Variants in DOCK2 observed in about 807,000 individuals in gnomAD.
DOCK2 encodes the protein dedicator of cytokinesis protein 2.
DOCK2 carries 87 observed loss-of-function variants against 248.9 expected under a neutral mutation model. That is an observed-to-expected ratio of 0.35 (90% CI 0.29 to 0.42). The LOEUF (loss-of-function observed/expected upper bound fraction) is 0.42, where lower values mean the gene tolerates loss of function less well. Ranked by LOEUF, DOCK2 falls within the 10% of genes least tolerant of loss-of-function variation. The pLI is 1.00. For missense variants in DOCK2, 1,747 were observed against 2,300.2 expected, an observed-to-expected ratio of 0.76 and a Z score of 4.92; for synonymous variants, 805 against 821.6, an observed-to-expected ratio of 0.98 and a Z score of 0.35.
At chr5:169,653,239 C>G (rs1757904009) in intron 1 of DOCK2, among the ~76,000 whole-genome samples, 1 of 152,122 alleles carries the variant, frequency 6.6e-6, no homozygotes, top group Admixed American at 6.5e-5. Flanking sequence ...TAAGCCACTT[C>G]CAGAAAAGTG....
chr5:170,070,618 G>A (rs1372562275), intron 46 of DOCK2, among the ~76,000 whole-genome samples: 2 of 152,146 alleles, frequency 1.3e-5, no homozygotes, highest in Non-Finnish European at 2.9e-5. Context: ...TGGGAAGCAG[G>A]AAGGCCAGGC....
intron 27 of DOCK2, among the ~76,000 whole-genome samples, chr5:169,971,255 C>A (rs61447875): frequency 0.012 from 1,844 of 151,942 alleles, 43 homozygotes; most frequent in African/African-American, 0.042. Context: ...AGTATCATTC[C>A]CAGAGCAGGA....
Position 169,654,465 on chromosome 5 carries a change from C to G in DOCK2, c.106C>G (p.Arg36Gly). The change falls in exon 2 of 52, where the codon CGA becomes GGA. Residue 36 changes from arginine (R) to glycine (G), a missense_variant. Transcript: ENST00000520908. ...CTCCCTGCAGATCGGCGATGTGGTGCGAATACAGGAGACGTGTGGAGGTGA... is the reference window on the plus strand; with the variant it reads ...CTCCCTGCAGATCGGCGATGTGGTGGGAATACAGGAGACGTGTGGAGGTGA... ...QLSLQIGDVV[R>G]IQETCGDWYR... 6.2e-7 allele frequency: 1 copy of G among 1,614,130 alleles called. No individual in the cohort carries two copies. Among genetic ancestry groups the G allele is most frequent in the Admixed American group, 1.7e-5 (1 of 60,018 alleles).
At chr5:169,872,118 C>T (rs1224345662) in intron 27 of DOCK2, among the ~76,000 whole-genome samples, 1 of 152,182 alleles carries the variant, frequency 6.6e-6, no homozygotes, top group African/African-American at 2.4e-5. Flanking sequence ...GAAGACAAAC[C>T]ATCTTCCAAA....
chr5:169,983,254 A>G (rs2113785701), intron 28 of DOCK2, 88 bp downstream of exon 28: 3 of 1,354,384 alleles, frequency 2.2e-6, no homozygotes, highest in Middle Eastern at 1.8e-4. Context: ...CTGCCTGTCT[A>G]TCACATAATC....
chr5:169,858,967 T>C (rs1005941559), intron 27 of DOCK2, among the ~76,000 whole-genome samples: 1 of 152,204 alleles, frequency 6.6e-6, no homozygotes, highest in Non-Finnish European at 1.5e-5. Flanking sequence ...TGAGCTATGA[T>C]AGTGCCACTG....
chr5:169,930,182 G>C (rs113765679), intron 27 of DOCK2, among the ~76,000 whole-genome samples: 1 of 152,034 alleles, frequency 6.6e-6, no homozygotes, highest in Admixed American at 6.5e-5. Context: ...GTAGAGATGG[G>C]GGTTTCACCA....
intron 30 of DOCK2, among the ~76,000 whole-genome samples, chr5:170,005,312 C>T (rs1302083324): frequency 1.3e-5 from 2 of 152,168 alleles, no homozygotes; most frequent in Non-Finnish European, 2.9e-5. Context: ...GACAATATAG[C>T]AATTGATAAA....
intron 27 of DOCK2, among the ~76,000 whole-genome samples, chr5:169,856,099 C>T (rs995220840): frequency 2.0e-5 from 3 of 152,076 alleles, no homozygotes; most frequent in Admixed American, 2.0e-4. Context: ...GAAAACTGGC[C>T]CCATGATCCA....
chr5:169,923,650 A>G (rs1775294062), intron 27 of DOCK2, among the ~76,000 whole-genome samples: 1 of 152,252 alleles, frequency 6.6e-6, no homozygotes, highest in Non-Finnish European at 1.5e-5. Context: ...AAGAAGGATA[A>G]TATTGCTTCA....
At chr5:169,968,548 CAGCATGGT>C (rs1777383625) in intron 27 of DOCK2, among the ~76,000 whole-genome samples, 1 of 152,180 alleles carries the variant, frequency 6.6e-6, no homozygotes, top group Non-Finnish European at 1.5e-5. Flanking sequence ...TCTTCGACTT[CAGCATGGT>C]AAATATCCCT....
chr5:169,718,733 C>G lies in DOCK2; in HGVS notation c.2209C>G (p.Leu737Val). 2 of 1,613,952 alleles carry G rather than the reference C, an allele frequency of 1.2e-6. No homozygotes were observed. The highest frequency in any genetic ancestry group is 1.7e-6 in the Non-Finnish European group (2 of 1,179,904). ...GEQCEPILRT[L>V]KALEYVFKFI... ...GCAATGTGAGCCAATCCTAAGAACG[C>G]TGAAGGCTTTGGAATATGTGTTCAA... The change falls in exon 22 of 52, where the codon CTG (leucine) becomes GTG (valine). Residue 737 changes from leucine to valine, a missense_variant. Leu to Val is a conservative substitution (Grantham distance 32). Coordinates refer to ENST00000520908, the MANE Select transcript of DOCK2 (RefSeq NM_004946.3).
intron 29 of DOCK2, among the ~76,000 whole-genome samples, chr5:169,995,394 T>C (rs1183915521): frequency 6.6e-6 from 1 of 152,104 alleles, no homozygotes; most frequent in Non-Finnish European, 1.5e-5. Context: ...AGGTATTTGA[T>C]ATACACAGAA....
chr5:169,753,360 C>G (rs1006653042), intron 23 of DOCK2, among the ~76,000 whole-genome samples: 1 of 151,708 alleles, frequency 6.6e-6, no homozygotes, highest in Non-Finnish European at 1.5e-5. Flanking sequence ...GCCCTCACCC[C>G]CCCCCACCCC....
At chr5:170,034,577 A>G in intron 35 of DOCK2, 22 bp downstream of exon 35, 1 of 1,613,366 alleles carries the variant, frequency 6.2e-7, no homozygotes, top group Non-Finnish European at 8.5e-7. Context: ...TGGCGGGTCC[A>G]AGTCAGACCA....
At chr5:169,986,538 C>G (rs752594354) in intron 29 of DOCK2, among the ~76,000 whole-genome samples, 88 of 152,172 alleles carry the variant, frequency 5.8e-4, no homozygotes, top group Admixed American at 1.2e-3. Context: ...AAAAGTAATT[C>G]TAAACAATTT....
intron 26 of DOCK2, among the ~76,000 whole-genome samples, chr5:169,828,798 A>C (rs995620134): frequency 6.6e-6 from 1 of 152,184 alleles, no homozygotes; most frequent in Non-Finnish European, 1.5e-5. Flanking sequence ...CAGTTACGTG[A>C]CATCTCCTAT....
intron 27 of DOCK2, chr5:169,934,873 T>A (rs1253502118): frequency 5.4e-6 from 2 of 369,116 alleles, no homozygotes; most frequent in Admixed American, 3.2e-5. Context: ...CCAAAACAAC[T>A]TTAACCACCT....
intron 22 of DOCK2, 148 bp from the exon 23 acceptor site, chr5:169,747,248 C>T (rs759977523): frequency 7.7e-5 from 48 of 626,710 alleles, no homozygotes; most frequent in Non-Finnish European, 1.1e-4. Context: ...GAATGATGCA[C>T]GCAGCATCTG....
Sources: allele counts gnomAD v4.1 joint callset (sites outside exome capture counted in the v4.1 genomes callset), GRCh38; gene constraint gnomAD v4.1.1; transcripts MANE v1.5; gene names NCBI Gene and HGNC (gene_info 2026-07-23, HGNC 2026-07-21).